DAB1: variants seen among roughly 807,000 people sequenced by gnomAD.
The protein encoded by DAB1 is DAB adaptor protein 1.
In DAB1, 15 loss-of-function variants were observed where a neutral mutation model predicts 64.6. The ratio of observed to expected loss-of-function variants is 0.23; its 90% CI spans 0.16 to 0.36. The LOEUF (loss-of-function observed/expected upper bound fraction) is 0.36, where lower values mean the gene tolerates loss of function less well. Among genes scored for constraint, DAB1 ranks in the 10% least tolerant of loss-of-function variants. DAB1 has a pLI of 1.00. For missense variants in DAB1, 596 were observed against 706.7 expected (o/e 0.84, Z 1.78); for synonymous variants, 235 against 251.9 (o/e 0.93, Z 0.64).
chr1:57,146,994 T>A (rs1356823123), intron 2 of DAB1, among the ~76,000 whole-genome samples: 1 of 152,036 alleles, frequency 6.6e-6, no homozygotes, highest in East Asian at 1.9e-4. Flanking sequence ...TGTATTTACA[T>A]GGTAACTTTT....
At chr1:57,017,058 C>A (rs1047191977) in intron 11 of DAB1, among the ~76,000 whole-genome samples, 1 of 152,122 alleles carries the variant, frequency 6.6e-6, no homozygotes, top group African/African-American at 2.4e-5. Flanking sequence ...ATGGCCAAGA[C>A]CAATTTCTGA....
intron 2 of DAB1, among the ~76,000 whole-genome samples, chr1:57,252,862 C>T (rs1669456980): frequency 6.6e-6 from 1 of 152,126 alleles, no homozygotes; most frequent in South Asian, 2.1e-4. Context: ...AAAAATCATG[C>T]TAACCTGAAA....
intron 1 of DAB1, among the ~76,000 whole-genome samples, chr1:57,302,076 A>G (rs1041797770): frequency 6.6e-6 from 1 of 152,124 alleles, no homozygotes; most frequent in African/African-American, 2.4e-5. Context: ...TGCTAGTCCA[A>G]TCTCAATTAC....
chr1:57,715,475 A>T (rs1647073265), intron 6 of DAB1, among the ~76,000 whole-genome samples: 1 of 152,192 alleles, frequency 6.6e-6, no homozygotes, highest in East Asian at 1.9e-4. Context: ...TTTCCATACA[A>T]ATTGGGAAAA....
intron 3 of DAB1, among the ~76,000 whole-genome samples, chr1:58,396,496 G>A (rs1644523466): frequency 6.6e-6 from 1 of 151,982 alleles, no homozygotes; most frequent in South Asian, 2.1e-4. Flanking sequence ...AAAACACAGA[G>A]GTGTGGCGGT....
chr1:57,913,242 A>G (rs1168750366), intron 5 of DAB1, among the ~76,000 whole-genome samples: 1 of 151,984 alleles, frequency 6.6e-6, no homozygotes, highest in Non-Finnish European at 1.5e-5. Flanking sequence ...GTACCAAAAC[A>G]CAGATATAGA....
chr1:57,191,859 A>T (rs935201838), intron 2 of DAB1, among the ~76,000 whole-genome samples: 1 of 152,162 alleles, frequency 6.6e-6, no homozygotes, highest in East Asian at 1.9e-4. Context: ...TATGTAGATG[A>T]TAATACCTAC....
At chr1:57,158,461 T>C (rs941829936) in intron 2 of DAB1, among the ~76,000 whole-genome samples, 1 of 152,212 alleles carries the variant, frequency 6.6e-6, no homozygotes, top group African/African-American at 2.4e-5. Context: ...CTATCCATCC[T>C]GATGATAAGA....
At chr1:57,118,840 G>A (rs1469458188) in intron 4 of DAB1, among the ~76,000 whole-genome samples, 1 of 152,030 alleles carries the variant, frequency 6.6e-6, no homozygotes, top group Non-Finnish European at 1.5e-5. Context: ...TCCATTGTCT[G>A]ATGAATAATC....
intron 4 of DAB1, among the ~76,000 whole-genome samples, chr1:58,308,789 G>A (rs988939499): frequency 3.9e-5 from 6 of 152,044 alleles, no homozygotes; most frequent in Middle Eastern, 3.2e-3. Context: ...TTCCTTACCC[G>A]GTAAAAAACA....
chr1:57,026,076 A>G (rs1444671564), intron 9 of DAB1, 33 bp from the exon 10 acceptor site: 37 of 1,560,474 alleles, frequency 2.4e-5, no homozygotes, highest in Non-Finnish European at 3.2e-5. Flanking sequence ...ATGTGACTAC[A>G]AAGAAAGCTG....
At chr1:57,234,513 T>G (rs197632) in intron 2 of DAB1, among the ~76,000 whole-genome samples, 98,087 of 152,044 alleles carry the variant, frequency 0.65, 32,219 homozygotes, top group East Asian at 0.85. Context: ...AAAATAACCC[T>G]ATCAGGTAAC....
At chr1:58,225,376 A>T (rs1244356635) in intron 4 of DAB1, among the ~76,000 whole-genome samples, 1 of 152,098 alleles carries the variant, frequency 6.6e-6, no homozygotes, top group African/African-American at 2.4e-5. Flanking sequence ...ACTGTAAACT[A>T]GTTCAACCAT....
chr1:57,035,323 G>T (rs1647106074), intron 9 of DAB1, among the ~76,000 whole-genome samples: 1 of 152,092 alleles, frequency 6.6e-6, no homozygotes, highest in Non-Finnish European at 1.5e-5. Flanking sequence ...AAAGCAAATG[G>T]CTTCGGAGCA....
intron 7 of DAB1, among the ~76,000 whole-genome samples, chr1:57,491,196 A>G (rs1644159016): frequency 6.6e-6 from 1 of 152,156 alleles, no homozygotes; most frequent in South Asian, 2.1e-4. Context: ...TGGGAGGCTG[A>G]GGCGGGTGGA....
intron 5 of DAB1, among the ~76,000 whole-genome samples, chr1:58,118,886 C>T (rs1472585388): frequency 6.6e-6 from 1 of 151,840 alleles, no homozygotes; most frequent in African/African-American, 2.4e-5. Context: ...GCCTACACAC[C>T]AGTGCTGTCC....
intron 6 of DAB1, among the ~76,000 whole-genome samples, chr1:57,798,696 T>C (rs1007837659): frequency 2.0e-5 from 3 of 152,196 alleles, no homozygotes; most frequent in African/African-American, 7.2e-5. Flanking sequence ...AGATGGGAAA[T>C]GTTTTAATAT....
intron 5 of DAB1, among the ~76,000 whole-genome samples, chr1:58,022,813 G>A (rs140735003): frequency 6.6e-6 from 1 of 151,968 alleles, no homozygotes; most frequent in African/African-American, 2.4e-5. Flanking sequence ...TTTAAGTTCC[G>A]GTTACTGTAT....
At chr1:57,854,392 C>A (rs1260662245) in intron 1 of DAB1, among the ~76,000 whole-genome samples, 2 of 152,124 alleles carry the variant, frequency 1.3e-5, no homozygotes, top group Non-Finnish European at 2.9e-5. Flanking sequence ...GTGAATGTCA[C>A]CATTGTGAGA....
Sources: gnomAD v4.1 joint callset for allele counts (sites outside exome capture counted in the v4.1 genomes callset) on GRCh38, gnomAD v4.1.1 for gene constraint, MANE v1.5 for transcripts, NCBI Gene and HGNC (gene_info 2026-07-23, HGNC 2026-07-21) for gene names.